The following RBBP4 variants were observed in gnomAD, a reference collection of about 807,000 sequenced individuals.
RBBP4 encodes the protein RB binding protein 4, chromatin remodeling factor, also known as histone-binding protein RBBP4.
RBBP4 carries 3 observed loss-of-function variants against 57.2 expected under a neutral mutation model. The observed-to-expected ratio is 0.05, with a 90% CI of 0.02 to 0.14. The LOEUF (loss-of-function observed/expected upper bound fraction) is 0.14, where lower values mean the gene tolerates loss of function less well. Among genes scored for constraint, RBBP4 ranks in the 10% least tolerant of loss-of-function variants. The pLI, the probability that RBBP4 is intolerant of heterozygous loss-of-function variation, is 1.00. For missense variants in RBBP4, 107 were observed against 520.6 expected, an observed-to-expected ratio of 0.21 and a Z score of 7.73; for synonymous variants, 151 against 171.5, an observed-to-expected ratio of 0.88 and a Z score of 0.93.
intron 8 of RBBP4, 100 bp from the exon 9 acceptor site, chr1:32,672,350 C>T (rs1158697482): frequency 2.1e-6 from 2 of 968,704 alleles, no homozygotes; most frequent in East Asian, 2.6e-5. Flanking sequence ...TTCCTCTTCC[C>T]TTTTATTTAC....
intron 2 of RBBP4, among the ~76,000 whole-genome samples, chr1:32,656,294 A>G (rs997787568): frequency 2.6e-5 from 4 of 152,086 alleles, no homozygotes; most frequent in African/African-American, 9.7e-5. Context: ...TTTCGGGTTC[A>G]AGCGATTCTT....
At chr1:32,660,422 A>ATTTGTT (rs1557853379) in intron 3 of RBBP4, among the ~76,000 whole-genome samples, 6 of 37,752 alleles carry the variant, frequency 1.6e-4, no homozygotes, top group Non-Finnish European at 1.2e-3. Context: ...TATTTTATTT[A>ATTTGTT]TTTATTTTTT....
chr1:32,661,766 T>C (rs2148520928), intron 3 of RBBP4, among the ~76,000 whole-genome samples: 1 of 148,654 alleles, frequency 6.7e-6, no homozygotes, highest in Middle Eastern at 3.4e-3. Flanking sequence ...CTATCTGTTT[T>C]GATTTGCATT....
At chr1:32,675,970 C>T (rs1289855434) in intron 11 of RBBP4, among the ~76,000 whole-genome samples, 1 of 151,986 alleles carries the variant, frequency 6.6e-6, no homozygotes, top group African/African-American at 2.4e-5. Context: ...GCCTGTGATC[C>T]CAGCTACTTG....
intron 2 of RBBP4, among the ~76,000 whole-genome samples, chr1:32,656,353 T>TC (rs1245092508): frequency 1.3e-5 from 2 of 149,852 alleles, no homozygotes; most frequent in Non-Finnish European, 3.0e-5. Flanking sequence ...CCGGTTTTTT[T>TC]TGTTTTGTTT....
chr1:32,680,289 T>C lies in RBBP4; in HGVS notation c.*584T>C. 1 of 1,272,950 alleles carries C rather than the reference T, an allele frequency of 7.9e-7. No individual in the cohort carries two copies. The allele number at this position is 1,272,950 out of a possible 1,614,324, so 78.9% of individuals were successfully genotyped here. A position where few individuals can be genotyped will look rare whatever the true frequency, so the allele number is the denominator to read the frequency against. On this transcript the variant is annotated 3_prime_UTR_variant, in exon 12 of 12. Coordinates refer to ENST00000373493, the MANE Select transcript of RBBP4 (RefSeq NM_005610.3). ...ATTCATATATTTTTGCTCGTTAGTG[T>C]ATTTCTTGAGCTGTTTTCATGTTGT...
In RBBP4 at chr1:32,680,783, A is replaced by G; in HGVS notation, c.*1078A>G. 2 of 484,200 alleles carry G rather than the reference A, an allele frequency of 4.1e-6. No individual in the cohort carries two copies. The highest frequency in any genetic ancestry group is 2.0e-5 in the African/African-American group (1 of 49,874). The allele number at this position is 484,200 out of a possible 1,614,324, so 30.0% of individuals were successfully genotyped here. On this transcript the variant is annotated 3_prime_UTR_variant, in exon 12 of 12. Transcript: ENST00000373493. Reference sequence around the variant, plus strand: ...TATCAAGAGCAGAATTAAATGTAATAGTCCCAGAGCTGTAGAAAAGAACTT... The same window carrying G: ...TATCAAGAGCAGAATTAAATGTAATGGTCCCAGAGCTGTAGAAAAGAACTT...
rs569847693 is a variant in RBBP4 at position 32,668,864 on chromosome 1, C to G, written c.600+10C>G. 30 of 1,613,584 alleles carry G rather than the reference C, an allele frequency of 1.9e-5. 1 individual carries two copies. The East Asian group carries it at 6.7e-4, about 36-fold the overall frequency. ...TGCTTCAGATGACCATGTGTGTATCCTTCCCATTTTGAAGCAAATCTGGGC... is the reference window on the plus strand; with the variant it reads ...TGCTTCAGATGACCATGTGTGTATCGTTCCCATTTTGAAGCAAATCTGGGC... On this transcript the variant is annotated intron_variant, in intron 5 of 11. Transcript: ENST00000373493.
rs539126217 is a variant in RBBP4, at chr1:32,685,990, G to T, written c.*6285G>T. 1 of 152,060 alleles carries T rather than the reference G, an allele frequency of 6.6e-6. No individual in the cohort carries two copies. Among genetic ancestry groups the T allele is most frequent in the African/African-American group, 2.4e-5 (1 of 41,388 alleles). The allele number at this position is 152,060 out of a possible 1,614,324, so 9.4% of individuals were successfully genotyped here. ...CAACTTGAACCTCTGTTACTCTTCC[G>T]TATGAACATTTTCCTCTAGCCCTGG... On this transcript the variant is annotated 3_prime_UTR_variant, in exon 12 of 12. Coordinates refer to ENST00000373493, the MANE Select transcript of RBBP4 (RefSeq NM_005610.3).
intron 11 of RBBP4, among the ~76,000 whole-genome samples, chr1:32,678,627 C>T (rs946382818): frequency 8.9e-6 from 1 of 112,048 alleles, no homozygotes; most frequent in Non-Finnish European, 1.7e-5. Flanking sequence ...TCTTGCTTTG[C>T]CACCCAGGCT....
At chr1:32,667,779 A>G (rs530429986) in intron 3 of RBBP4, among the ~76,000 whole-genome samples, 132 of 152,308 alleles carry the variant, frequency 8.7e-4, no homozygotes, top group African/African-American at 3.0e-3. Flanking sequence ...GAAGTCTCTG[A>G]TACAGCATGG....
chr1:32,673,489 G>A (rs1648962208), intron 11 of RBBP4: 1 of 423,322 alleles, frequency 2.4e-6, no homozygotes, highest in African/African-American at 2.1e-5. Context: ...CCAGGCTGGA[G>A]TGCAATGGTG....
chr1:32,667,100 T>C (rs1304653486), intron 3 of RBBP4, among the ~76,000 whole-genome samples: 1 of 152,152 alleles, frequency 6.6e-6, no homozygotes, highest in Non-Finnish European at 1.5e-5. Flanking sequence ...AACACTCTGC[T>C]CCACCAACCA....
chr1:32,656,613 A>G (rs1015208669), intron 2 of RBBP4, among the ~76,000 whole-genome samples: 7 of 152,108 alleles, frequency 4.6e-5, no homozygotes. Context: ...CGGCCTCCCA[A>G]AGTGCTGGGA....
Position 32,680,365 on chromosome 1 carries a change from T to G in RBBP4, c.*660T>G, listed in dbSNP as rs548056152. The G allele has an allele frequency of 3.1e-5, 35 of 1,136,340 alleles. No individual in the cohort carries two copies. The South Asian group carries it at 6.2e-4, about 20-fold the overall frequency. The allele number at this position is 1,136,340 out of a possible 1,614,324, so 70.4% of individuals were successfully genotyped here. A position where few individuals can be genotyped will look rare whatever the true frequency, so the allele number is the denominator to read the frequency against. ...TTTTTTTTTTGTTGTTGGTTTTTTT[T>G]TTTTTTTTTTTAACTTGGGACCACC... On this transcript the variant is annotated 3_prime_UTR_variant, in exon 12 of 12. Transcript: ENST00000373493.
chr1:32,681,608 T>A lies in RBBP4; in HGVS notation c.*1903T>A, dbSNP rs961213417. The A allele has an allele frequency of 1.7e-6, 1 of 604,016 alleles. No homozygotes were observed. The highest frequency in any genetic ancestry group is 2.9e-6 in the Non-Finnish European group (1 of 341,464). The allele number at this position is 604,016 out of a possible 1,614,324, so 37.4% of individuals were successfully genotyped here. The stretch of plus-strand genomic sequence containing the variant: ...GCTCATCTTTCCTTTCCTTGGTGCA[T>A]TGAGATCAGTATCAACAGCAGATGA... On this transcript the variant is annotated 3_prime_UTR_variant, in exon 12 of 12. Transcript: ENST00000373493.
intron 11 of RBBP4, among the ~76,000 whole-genome samples, chr1:32,676,635 G>T (rs66848911): frequency 1.7e-4 from 1 of 5,728 alleles, no homozygotes; most frequent in Non-Finnish European, 6.1e-3. Context: ...AAAAGAAAAA[G>T]AAAAGCTGTT....
chr1:32,675,476 A>G (rs1649059678), intron 11 of RBBP4, among the ~76,000 whole-genome samples: 1 of 151,708 alleles, frequency 6.6e-6, no homozygotes, highest in South Asian at 2.1e-4. Flanking sequence ...TTACTTATCA[A>G]AAAGAAGGAT....
At chr1:32,664,337 T>C (rs1455636565) in intron 3 of RBBP4, among the ~76,000 whole-genome samples, 1 of 152,180 alleles carries the variant, frequency 6.6e-6, no homozygotes, top group Non-Finnish European at 1.5e-5. Context: ...TACTCAATAC[T>C]GAAATAACCA....
Sources: gnomAD v4.1 joint callset for allele counts (sites outside exome capture counted in the v4.1 genomes callset) on GRCh38, gnomAD v4.1.1 for gene constraint, MANE v1.5 for transcripts, NCBI Gene and HGNC (gene_info 2026-07-23, HGNC 2026-07-21) for gene names.